ASPG: variants seen among roughly 807,000 people sequenced by gnomAD.
ASPG encodes the protein asparaginase, also known as 60 kDa lysophospholipase.
Under a neutral mutation model 63.2 loss-of-function variants are expected in ASPG, and 53 were observed. The ratio of observed to expected loss-of-function variants is 0.84; its 90% CI spans 0.67 to 1.05. The LOEUF is 1.05. Ranked by LOEUF, ASPG falls within the 50% of genes least tolerant of loss-of-function variation. ASPG has a pLI of 0.00. For synonymous variants in ASPG, 370 were observed against 355.0 expected (o/e 1.04, Z -0.48); for missense variants, 741 against 794.4 (o/e 0.93, Z 0.81).
Position 104,106,183 on chromosome 14 carries a change from T to G in ASPG, c.1174-616T>G, listed in dbSNP as rs949811142. On this transcript the variant is annotated intron_variant, in intron 10 of 15. Coordinates refer to ENST00000551177, the MANE Select transcript of ASPG (RefSeq NM_001080464.3). Reference sequence around the variant, plus strand: ...TTAGGGTGGCTGCATAGGGCCTGAATGCTGTAGGGAGGCAGGCCAGAGGCA... The same window carrying G: ...TTAGGGTGGCTGCATAGGGCCTGAAGGCTGTAGGGAGGCAGGCCAGAGGCA... 2.0e-5 allele frequency among the ~76,000 whole-genome samples: 3 copies of G among 152,196 alleles called. No homozygotes were observed. The East Asian group carries it at 5.8e-4, about 29-fold the overall frequency.
At chr14:104,096,321 G>A (rs574939245) in intron 4 of ASPG, among the ~76,000 whole-genome samples, 2 of 152,322 alleles carry the variant, frequency 1.3e-5, no homozygotes, top group East Asian at 3.9e-4. Context: ...CTAAGGTCTT[G>A]TATGGGAAAC....
chr14:104,103,358 G>A (rs1259509441), intron 6 of ASPG, among the ~76,000 whole-genome samples: 7 of 152,258 alleles, frequency 4.6e-5, no homozygotes, highest in Non-Finnish European at 1.0e-4. Context: ...CGTGCACGCT[G>A]CGGAGCCTGG....
At chr14:104,094,231 G>A (rs887615911) in intron 3 of ASPG, among the ~76,000 whole-genome samples, 8 of 152,016 alleles carry the variant, frequency 5.3e-5, no homozygotes, top group Admixed American at 6.5e-5. Flanking sequence ...GTCCCAGTTA[G>A]TATCTGGGGC....
intron 5 of ASPG, among the ~76,000 whole-genome samples, chr14:104,098,125 C>T (rs61997618): frequency 9.0e-5 from 2 of 22,262 alleles, no homozygotes; most frequent in African/African-American, 1.2e-4. Context: ...TATGGAGGTT[C>T]TCCGTTAGAG....
chr14:104,109,396 G>A lies in ASPG; in HGVS notation c.1520+81G>A. ...AAGCGAAGCCAGACCTGCTGGGAGG[G>A]ACAAGTGAGTCAGGGTGTGGGGGCT... On this transcript the variant is annotated intron_variant, in intron 13 of 15. Transcript: ENST00000551177. The surrounding 1 kb of genome is among the most constrained non-coding windows in gnomAD (Gnocchi z 4.8). 2.1e-6 allele frequency: 3 copies of A among 1,446,200 alleles called. No homozygotes were observed. The highest frequency in any genetic ancestry group is 1.3e-5 in the South Asian group (1 of 74,650). The allele number at this position is 1,446,200 out of a possible 1,614,324, so 89.6% of individuals were successfully genotyped here. A position where few individuals can be genotyped will look rare whatever the true frequency, so the allele number is the denominator to read the frequency against.
rs752662667 is a variant in ASPG at position 104,109,353 on chromosome 14, G to A, written c.1520+38G>A. On this transcript the variant is annotated intron_variant, in intron 13 of 15. Transcript: ENST00000551177. The surrounding 1 kb of genome is among the most constrained non-coding windows in gnomAD (Gnocchi z 4.8). The stretch of plus-strand genomic sequence containing the variant: ...AGAGCACCTGCTCTTCCAGGGATGT[G>A]GGGGACACAGCTTGGGGAAGCGAAG... 1.6e-5 allele frequency: 25 copies of A among 1,566,922 alleles called. No homozygotes were observed. Among genetic ancestry groups the A allele is most frequent in the Non-Finnish European group, 2.1e-5 (24 of 1,154,516 alleles).
intron 2 of ASPG, 26 bp downstream of exon 2, chr14:104,092,767 G>A (rs746521288): frequency 3.9e-6 from 6 of 1,524,070 alleles, no homozygotes; most frequent in African/African-American, 1.4e-5. Context: ...TCCCAGTCCC[G>A]GACAGGGCAT....
chr14:104,093,306 G>A, intron 2 of ASPG, 185 bp from the exon 3 acceptor site: 1 of 669,566 alleles, frequency 1.5e-6, no homozygotes, highest in Non-Finnish European at 2.7e-6. Flanking sequence ...CCTCTGTGGG[G>A]AGCTCCAGGT....
Position 104,106,790 on chromosome 14 carries a change from C to A in ASPG, c.1174-9C>A. On this transcript the variant is annotated splice_polypyrimidine_tract_variant and intron_variant, in intron 10 of 15. Transcript: ENST00000551177. ...GCGTGGGTCCCAGGGTGCCGCCTTC[C>A]CCACCTAGGAGGCAGATGCCCTGCG... The A allele has an allele frequency of 6.3e-7, 1 of 1,585,924 alleles. No homozygotes were observed. The highest frequency in any genetic ancestry group is 8.6e-7 in the Non-Finnish European group (1 of 1,167,400).
At chr14:104,090,391 C>T (rs1278315067) in intron 1 of ASPG, among the ~76,000 whole-genome samples, 2 of 152,232 alleles carry the variant, frequency 1.3e-5, no homozygotes, top group East Asian at 1.9e-4. Context: ...CAGCTTCACC[C>T]GCCGTGATGA....
rs2037077035 is a variant in ASPG, at chr14:104,105,396, G to A, written c.1119G>A (p.Gln373=). The A allele has an allele frequency of 6.2e-7, 1 of 1,612,364 alleles. No homozygotes were observed. Among genetic ancestry groups the A allele is most frequent in the Admixed American group, 1.7e-5 (1 of 59,978 alleles). ...TGGAAGAGCGCCGGCCCTCACTGCA[G>A]GGCAACACGCTGGGCGGTGGGGTCT... ...PSVEERRPSL[Q]GNTLGGGVSW... Residue 373 remains glutamine, a synonymous_variant, in exon 10 of 16, where the codon CAG becomes CAA. Transcript: ENST00000551177.
chr14:104,104,834 G>C (rs1185445806), intron 9 of ASPG, 99 bp downstream of exon 9: 3 of 1,034,772 alleles, frequency 2.9e-6, no homozygotes, highest in Non-Finnish European at 2.8e-6. Flanking sequence ...GAGCCTGGGG[G>C]CCGGTCCAGG....
At chr14:104,094,275 C>T (rs2036497940) in intron 3 of ASPG, among the ~76,000 whole-genome samples, 1 of 152,036 alleles carries the variant, frequency 6.6e-6, no homozygotes, top group South Asian at 2.1e-4. Flanking sequence ...CCTCGAGGGC[C>T]AGCAAGCTCC....
chr14:104,095,752 C>T (rs1351961197), intron 4 of ASPG, 96 bp downstream of exon 4: 1 of 1,505,322 alleles, frequency 6.6e-7, no homozygotes, highest in Admixed American at 1.8e-5. Context: ...CCCCGGGCTT[C>T]CTGCTCAGCC....
intron 10 of ASPG, among the ~76,000 whole-genome samples, chr14:104,106,063 A>G (rs2037114086): frequency 6.6e-6 from 1 of 152,178 alleles, no homozygotes; most frequent in South Asian, 2.1e-4. Context: ...TTCCCCCTAC[A>G]GGGATGGACC....
chr14:104,091,462 C>T lies in ASPG; in HGVS notation c.83-1171C>T, dbSNP rs556624588. On this transcript the variant is annotated intron_variant, in intron 1 of 15. Coordinates refer to ENST00000551177, the MANE Select transcript of ASPG (RefSeq NM_001080464.3). The surrounding 1 kb of genome is among the most constrained non-coding windows in gnomAD (Gnocchi z 6.4). The stretch of plus-strand genomic sequence containing the variant: ...TGTCAGCGGCTGCACCTCAGCCGGC[C>T]TGCATCTTCCAGTCCTCTGGCAAAC... 2.0e-5 allele frequency among the ~76,000 whole-genome samples: 3 copies of T among 152,286 alleles called. No individual in the cohort carries two copies. Among genetic ancestry groups the T allele is most frequent in the South Asian group, 4.1e-4 (2 of 4,822 alleles).
At chr14:104,088,984 A>G (rs1770987) in intron 1 of ASPG, among the ~76,000 whole-genome samples, 34,077 of 151,988 alleles carry the variant, frequency 0.22, 4,349 homozygotes, top group East Asian at 0.36. Flanking sequence ...TTACAAAATC[A>G]TAGTTAGGTG....
intron 3 of ASPG, 32 bp from the exon 4 acceptor site, chr14:104,095,499 C>T (rs367810766): frequency 1.9e-5 from 31 of 1,611,440 alleles, no homozygotes; most frequent in Non-Finnish European, 2.5e-5. Context: ...TTGCGAGGGG[C>T]TGGCCTGCCT....
At chr14:104,111,226 T>TATGCTGTGTATGCTGCTGTGTGTGTAC in intron 13 of ASPG, 1 of 959,794 alleles carries the variant, frequency 1.0e-6, no homozygotes, top group Non-Finnish European at 1.2e-6. Flanking sequence ...TGTGTACATG[T>TATGCTGTGTATGCTGCTGTGTGTGTAC]ATGCTGCTGT....
Sources: gnomAD v4.1 joint callset for allele counts (sites outside exome capture counted in the v4.1 genomes callset) on GRCh38, gnomAD v4.1.1 for gene constraint, Gnocchi (gnomAD v3.1) non-coding constraint, MANE v1.5 for transcripts, NCBI Gene and HGNC (gene_info 2026-07-23, HGNC 2026-07-21) for gene names.